Variants in NID1 observed in about 807,000 individuals in gnomAD.
NID1 encodes the protein nidogen-1.
In NID1, 76 loss-of-function variants were observed where a neutral mutation model predicts 130.6. That is an observed-to-expected ratio of 0.58 (90% CI 0.48 to 0.70). The LOEUF (loss-of-function observed/expected upper bound fraction) is 0.70, where lower values mean the gene tolerates loss of function less well. NID1 is among the 30% of genes least tolerant of loss of function. The pLI is 0.00. For missense variants in NID1, 1,517 were observed against 1,664.8 expected, an observed-to-expected ratio of 0.91 and a Z score of 1.54; for synonymous variants, 665 against 675.1, an observed-to-expected ratio of 0.98 and a Z score of 0.23.
chr1:236,046,099 A>G (rs1659594108), intron 2 of NID1, among the ~76,000 whole-genome samples: 1 of 152,208 alleles, frequency 6.6e-6, no homozygotes, highest in African/African-American at 2.4e-5. Flanking sequence ...CGTACAGTAG[A>G]AAAAACAAAA....
At chr1:236,048,508 A>G (rs79616156) in intron 2 of NID1, among the ~76,000 whole-genome samples, 182 bp downstream of exon 2, 1 of 152,228 alleles carries the variant, frequency 6.6e-6, no homozygotes, top group East Asian at 1.9e-4. Flanking sequence ...GAGTTATACA[A>G]CCTTGCAGAT....
chr1:236,004,701 G>A (rs1658191607), intron 12 of NID1, among the ~76,000 whole-genome samples: 1 of 143,772 alleles, frequency 7.0e-6, no homozygotes, highest in Non-Finnish European at 1.5e-5. Context: ...GGCGGAGCTT[G>A]CAGTGAGCCG....
chr1:236,044,374 C>A (rs1213255091), intron 3 of NID1, among the ~76,000 whole-genome samples: 2 of 152,218 alleles, frequency 1.3e-5, no homozygotes, highest in African/African-American at 4.8e-5. Context: ...TATTCTAATC[C>A]TTTTGCTACT....
intron 15 of NID1, among the ~76,000 whole-genome samples, chr1:235,984,140 C>T (rs1022415476): frequency 7.9e-5 from 12 of 152,164 alleles, no homozygotes; most frequent in Non-Finnish European, 1.5e-4. Flanking sequence ...CCAAAAGCAA[C>T]AGGAAATAGC....
intron 10 of NID1, among the ~76,000 whole-genome samples, chr1:236,015,808 C>T (rs1030602298): frequency 5.9e-5 from 9 of 152,114 alleles, no homozygotes; most frequent in South Asian, 2.1e-4. Flanking sequence ...ATTTTACAGA[C>T]GAGGAACTGA....
At chr1:236,057,123 G>A (rs1448715791) in intron 1 of NID1, among the ~76,000 whole-genome samples, 1 of 152,102 alleles carries the variant, frequency 6.6e-6, no homozygotes, top group Non-Finnish European at 1.5e-5. Context: ...GCCAGGCGTG[G>A]TGGTGGGTGC....
intron 6 of NID1, among the ~76,000 whole-genome samples, chr1:236,030,409 G>C (rs1002047300): frequency 6.6e-6 from 1 of 152,144 alleles, no homozygotes; most frequent in Non-Finnish European, 1.5e-5. Flanking sequence ...AATCTTGCCA[G>C]CTGCCTATTT....
intron 1 of NID1, among the ~76,000 whole-genome samples, chr1:236,058,564 C>T (rs1386753355): frequency 6.6e-6 from 1 of 152,190 alleles, no homozygotes; most frequent in Non-Finnish European, 1.5e-5. Context: ...TCTTAGAAAG[C>T]ACTTCCTGTC....
At chr1:236,049,920 C>T (rs1318113412) in intron 1 of NID1, among the ~76,000 whole-genome samples, 1 of 151,868 alleles carries the variant, frequency 6.6e-6, no homozygotes. Context: ...CACCAAATCC[C>T]AGCTACTCGG....
intron 1 of NID1, among the ~76,000 whole-genome samples, chr1:236,051,261 CT>C (rs1176170478): frequency 1.3e-4 from 19 of 146,688 alleles, no homozygotes; most frequent in African/African-American, 4.3e-4. Flanking sequence ...CCCCCTCCCC[CT>C]GCCCCTCCCC....
At chr1:235,981,124 G>T (rs150281862) in intron 16 of NID1, among the ~76,000 whole-genome samples, 3 of 152,250 alleles carry the variant, frequency 2.0e-5, no homozygotes, top group Non-Finnish European at 4.4e-5. Context: ...CAAAGGGAAG[G>T]AATCAGTGTC....
In NID1 at chr1:235,991,199, C is replaced by T. The variant is rs982078176; in HGVS notation, c.2756-141G>A. On this transcript the variant is annotated intron_variant, in intron 13 of 19. Transcript: ENST00000264187. Reference sequence around the variant, plus strand: ...TCAGGTCACATCACCTTCATGGCACCACAAACTGCCACAGCCACACAATGC... The same window carrying T: ...TCAGGTCACATCACCTTCATGGCACTACAAACTGCCACAGCCACACAATGC... The T allele has an allele frequency of 6.4e-6, 4 of 624,692 alleles. No homozygotes were observed. The African/African-American group carries it at 7.6e-5, about 12-fold the overall frequency. 38.7% of individuals were successfully genotyped at this position (624,692 alleles called of 1,614,324 possible).
Position 236,042,001 on chromosome 1 carries a change from C to A in NID1, c.1044G>T (p.Glu348Asp). Reference protein sequence around the residue: ...ATERPLGPPTERTRSFQLAVE... With the variant: ...ATERPLGPPTDRTRSFQLAVE... ...CTGCCAACTGGAAAGACCTGGTTCT[C>A]TCTGTGGGAGGTCCAAGGGGCCTTT... The change falls in exon 4 of 20, where the codon GAG becomes GAT. Residue 348 changes from glutamate to aspartate, a missense_variant. This residue lies in a region of NID1 where 1,329 missense variants were observed against 1,429.2 expected (regional missense o/e 0.93). Coordinates refer to ENST00000264187, the MANE Select transcript of NID1 (RefSeq NM_002508.3). 6.2e-7 allele frequency: 1 copy of A among 1,614,214 alleles called. No homozygotes were observed. Among genetic ancestry groups the A allele is most frequent in the Non-Finnish European group, 8.5e-7 (1 of 1,180,036 alleles).
intron 14 of NID1, among the ~76,000 whole-genome samples, chr1:235,988,394 A>T (rs1177486181): frequency 6.6e-6 from 1 of 152,224 alleles, no homozygotes; most frequent in Non-Finnish European, 1.5e-5. Context: ...TTTGGTAAGG[A>T]TATGGAGGAG....
intron 15 of NID1, among the ~76,000 whole-genome samples, chr1:235,983,000 G>A (rs752062347): frequency 4.6e-5 from 7 of 152,098 alleles, no homozygotes; most frequent in Admixed American, 1.3e-4. Context: ...TCAGCCTCCC[G>A]AGTAGCTGGG....
At chr1:236,043,901 A>C (rs1659525936) in intron 3 of NID1, among the ~76,000 whole-genome samples, 1 of 152,226 alleles carries the variant, frequency 6.6e-6, no homozygotes, top group Non-Finnish European at 1.5e-5. Flanking sequence ...TATGGTGAAA[A>C]GCAAATGAGA....
Position 235,980,487 on chromosome 1 carries a change from T to C in NID1, c.3385+9A>G. The C allele has an allele frequency of 6.2e-7, 1 of 1,614,000 alleles. No individual in the cohort carries two copies. Among genetic ancestry groups the C allele is most frequent in the Non-Finnish European group, 8.5e-7 (1 of 1,179,958 alleles). On this transcript the variant is annotated intron_variant, in intron 17 of 19. Coordinates refer to ENST00000264187, the MANE Select transcript of NID1 (RefSeq NM_002508.3). ...GACCCGCCCTGGACAGTGTCCAGCTTTCCATCACCTGCATCCACCCAGCAG... is the reference window on the plus strand; with the variant it reads ...GACCCGCCCTGGACAGTGTCCAGCTCTCCATCACCTGCATCCACCCAGCAG...
chr1:236,038,881 CCTATGTT>C (rs1468320645), intron 4 of NID1, among the ~76,000 whole-genome samples: 30 of 83,784 alleles, frequency 3.6e-4, no homozygotes, highest in African/African-American at 9.7e-4. Context: ...ATATATATTA[CCTATGTT>C]ATATAGGTCA....
chr1:236,051,327 A>T (rs1351233624), intron 1 of NID1, among the ~76,000 whole-genome samples: 1 of 141,500 alleles, frequency 7.1e-6, no homozygotes, highest in Non-Finnish European at 1.5e-5. Flanking sequence ...TTCACACTTC[A>T]TTACTAGAGG....
Sources: allele counts gnomAD v4.1 joint callset (sites outside exome capture counted in the v4.1 genomes callset), GRCh38; gene constraint gnomAD v4.1.1; regional missense constraint gnomAD v4.1.1; transcripts MANE v1.5; gene names NCBI Gene and HGNC (gene_info 2026-07-23, HGNC 2026-07-21).